Variants in RSF1 observed in about 807,000 individuals in gnomAD.
The protein encoded by RSF1 is remodeling and spacing factor 1, also known as HBV pX-associated protein 8.
RSF1 carries 13 observed loss-of-function variants against 145.2 expected under a neutral mutation model. That is an observed-to-expected ratio of 0.09 (90% CI 0.06 to 0.14). The LOEUF is 0.14. Among genes scored for constraint, RSF1 ranks in the 10% least tolerant of loss-of-function variants. RSF1 has a pLI of 1.00. For missense variants in RSF1, 1,517 were observed against 1,718.2 expected, an observed-to-expected ratio of 0.88 and a Z score of 2.07; for synonymous variants, 577 against 592.6, an observed-to-expected ratio of 0.97 and a Z score of 0.38.
At chr11:77,779,279 C>T (rs1948378858) in intron 1 of RSF1, among the ~76,000 whole-genome samples, 1 of 152,134 alleles carries the variant, frequency 6.6e-6, no homozygotes, top group Non-Finnish European at 1.5e-5. Flanking sequence ...GTGATCATAG[C>T]TCACTGCAGC....
intron 9 of RSF1, among the ~76,000 whole-genome samples, chr11:77,690,798 G>C (rs1362991854): frequency 6.6e-6 from 1 of 152,220 alleles, no homozygotes; most frequent in Non-Finnish European, 1.5e-5. Flanking sequence ...ATCTTGGCAG[G>C]TCATAAGGTC....
intron 5 of RSF1, among the ~76,000 whole-genome samples, chr11:77,704,223 AGT>A (rs1960490697): frequency 6.6e-6 from 1 of 152,164 alleles, no homozygotes; most frequent in African/African-American, 2.4e-5. Flanking sequence ...GGAGCCCAGG[AGT>A]TCAAGGTTAA....
At chr11:77,840,967 C>T in the RSF1 span, 1 of 493,410 alleles carries the variant, frequency 2.0e-6, no homozygotes, top group Non-Finnish European at 3.6e-6. Flanking sequence ...AACTGAATAC[C>T]TGAAACTGGG....
At chr11:77,724,896 A>G (rs1052548209) in intron 5 of RSF1, among the ~76,000 whole-genome samples, 9 of 152,214 alleles carry the variant, frequency 5.9e-5, no homozygotes, top group African/African-American at 2.2e-4. Flanking sequence ...AACAGGTTAC[A>G]GACTGGTACT....
At chr11:77,736,319 A>T (rs1961351748) in intron 4 of RSF1, among the ~76,000 whole-genome samples, 1 of 152,184 alleles carries the variant, frequency 6.6e-6, no homozygotes, top group South Asian at 2.1e-4. Flanking sequence ...ATGTCTGAGT[A>T]AATTTCTGCT....
rs1446685441 is a variant in RSF1 at position 77,740,791 on chromosome 11, A to G, written c.518T>C (p.Val173Ala). ...YWYQLDQDHN[V>A]RMYIEEQDDQ... ...ATCTTGTTCTTCTATGTACATTCTG[A>G]CATTGTGATCTTGATCCAATTGGTA... Residue 173 changes from valine (V) to alanine (A), a missense_variant, in exon 4 of 16, where the codon GTC becomes GCC. Coordinates refer to ENST00000308488, the MANE Select transcript of RSF1 (RefSeq NM_016578.4). 5 of 1,614,060 alleles carry G rather than the reference A, an allele frequency of 3.1e-6. No individual in the cohort carries two copies. The highest frequency in any genetic ancestry group is 1.3e-5 in the African/African-American group (1 of 74,934).
In RSF1 at chr11:77,663,420, G is replaced by C. The variant is rs1274629773; in HGVS notation, c.*3497C>G. The C allele has an allele frequency of 6.6e-6, 1 of 151,808 alleles. No individual in the cohort carries two copies. The highest frequency in any genetic ancestry group is 2.4e-5 in the African/African-American group (1 of 41,316). 9.4% of individuals were successfully genotyped at this position (151,808 alleles called of 1,614,324 possible). On this transcript the variant is annotated 3_prime_UTR_variant, in exon 16 of 16. Coordinates refer to ENST00000308488, the MANE Select transcript of RSF1 (RefSeq NM_016578.4). ...TTCATCAACTAAAAAGTAAAAACTG[G>C]GTACGTGTAACACCCTTTTAAAATT...
At chr11:77,746,159 C>T (rs797017755) in intron 3 of RSF1, among the ~76,000 whole-genome samples, 43 of 152,146 alleles carry the variant, frequency 2.8e-4, no homozygotes, top group Admixed American at 2.4e-3. Context: ...AACTTTGACT[C>T]GCAAGGAATC....
rs137962179 is a variant in RSF1, at chr11:77,811,669, T to C, written c.187+8859A>G. ...TAAATGTAAAACAACCTTTCACATC[T>C]TCAGAGATGTAAAAGCAGTTTGGCG... On this transcript the variant is annotated intron_variant, in intron 1 of 15. Transcript: ENST00000308488. Among the ~76,000 whole-genome samples the C allele has an allele frequency of 1.3e-3, 198 of 152,270 alleles. 1 individual carries two copies. Among genetic ancestry groups the C allele is most frequent in the Middle Eastern group, 3.4e-3 (1 of 294 alleles).
chr11:77,721,695 T>G (rs1457003424), intron 5 of RSF1, among the ~76,000 whole-genome samples: 1 of 152,254 alleles, frequency 6.6e-6, no homozygotes, highest in Non-Finnish European at 1.5e-5. Flanking sequence ...AAATGGTTTA[T>G]GTGTTACTGT....
intron 5 of RSF1, among the ~76,000 whole-genome samples, chr11:77,706,040 C>T (rs959295214): frequency 2.0e-5 from 3 of 151,850 alleles, no homozygotes; most frequent in African/African-American, 7.3e-5. Flanking sequence ...CTAAGGTGGG[C>T]AGATCACAAA....
chr11:77,830,005 C>T, the RSF1 span: 2 of 152,202 alleles, frequency 1.3e-5, no homozygotes, highest in Non-Finnish European at 2.9e-5. Flanking sequence ...GTGATGCACA[C>T]CTGTAGTCCT....
intron 9 of RSF1, among the ~76,000 whole-genome samples, chr11:77,685,808 G>C (rs1959988670): frequency 6.6e-6 from 1 of 152,142 alleles, no homozygotes; most frequent in South Asian, 2.1e-4. Context: ...AGACAAATTA[G>C]ATCTTTGTTA....
the RSF1 span, among the ~76,000 whole-genome samples, chr11:77,831,636 A>T: frequency 7.3e-5 from 11 of 151,116 alleles, no homozygotes; most frequent in East Asian, 2.0e-3. Flanking sequence ...TTACTATGGG[A>T]TGTAATTTCT....
At chr11:77,699,983 A>G (rs894763927) in intron 6 of RSF1, among the ~76,000 whole-genome samples, 1 of 152,206 alleles carries the variant, frequency 6.6e-6, no homozygotes, top group African/African-American at 2.4e-5. Context: ...AAAAACTCAC[A>G]GAAAAATGAA....
rs1959725397 is a variant in RSF1, at chr11:77,677,010, G to A, written c.3134-11C>T. ...TTCCTCGGCCAACTCCTGAATTTGG[G>A]GGAGGGAAGTTCGGGGAGAGAAAAA... On this transcript the variant is annotated splice_polypyrimidine_tract_variant and intron_variant, in intron 12 of 15. Transcript: ENST00000308488. 8.7e-6 allele frequency: 14 copies of A among 1,608,290 alleles called. No individual in the cohort carries two copies. The highest frequency in any genetic ancestry group is 2.2e-5 in the East Asian group (1 of 44,854).
chr11:77,738,638 T>C (rs1171118894), intron 4 of RSF1: 7 of 152,160 alleles, frequency 4.6e-5, no homozygotes, highest in East Asian at 1.9e-4. Context: ...TTTCACATCA[T>C]GCATTAAGGT....
chr11:77,673,279 T>C (rs1959604441), intron 14 of RSF1, among the ~76,000 whole-genome samples: 1 of 152,232 alleles, frequency 6.6e-6, no homozygotes, highest in African/African-American at 2.4e-5. Context: ...CTAGTTAAAC[T>C]TGCAAAGCAC....
At position 77,683,426 on chromosome 11, in the gene RSF1, G is replaced by A. The variant is rs148504935; in HGVS notation, c.3065+284C>T. Among the ~76,000 whole-genome samples the A allele has an allele frequency of 1.2e-4, 18 of 152,010 alleles. 1 individual carries two copies. In the East Asian group the frequency reaches 2.7e-3, roughly 23 times the overall value. ...TGCTCTAAAATTATATGACTAGGCC[G>A]GGCGCGGTGGCTCATGGCTGTAATC... On this transcript the variant is annotated intron_variant, in intron 11 of 15. Transcript: ENST00000308488.
Sources: allele counts gnomAD v4.1 joint callset (sites outside exome capture counted in the v4.1 genomes callset), GRCh38; gene constraint gnomAD v4.1.1; transcripts MANE v1.5; gene names NCBI Gene and HGNC (gene_info 2026-07-23, HGNC 2026-07-21).